PLD5: variants seen among roughly 807,000 people sequenced by gnomAD.
PLD5 encodes the protein phospholipase D family member 5.
Under a neutral mutation model 61.1 loss-of-function variants are expected in PLD5, and 36 were observed. The ratio of observed to expected loss-of-function variants is 0.59; its 90% CI spans 0.45 to 0.78. PLD5 has a LOEUF of 0.78. Among genes scored for constraint, PLD5 ranks in the 30% least tolerant of loss-of-function variants. The pLI, the probability that PLD5 is intolerant of heterozygous loss-of-function variation, is 0.00. For synonymous variants in PLD5, 243 were observed against 242.8 expected (o/e 1.00, Z -0.01); for missense variants, 515 against 644.4 (o/e 0.80, Z 2.17).
chr1:242,207,207 A>G (rs528273824), intron 5 of PLD5, among the ~76,000 whole-genome samples: 1 of 152,298 alleles, frequency 6.6e-6, no homozygotes, highest in Admixed American at 6.5e-5. Flanking sequence ...TGGGCACCGG[A>G]GCCCAGCCAA....
At position 242,333,331 on chromosome 1, in the gene PLD5, T is replaced by C. The variant is rs147021007; in HGVS notation, c.326+14775A>G. 1.8e-4 allele frequency among the ~76,000 whole-genome samples: 27 copies of C among 152,210 alleles called. 1 individual carries two copies. Among genetic ancestry groups the C allele is most frequent in the African/African-American group, 6.5e-4 (27 of 41,498 alleles). ...AGAAAATGCAGTGCAAGGATTTACA[T>C]CTTAAAGGCTTGCAAAATTCAGAAA... On this transcript the variant is annotated intron_variant, in intron 2 of 9. Transcript: ENST00000536534.
intron 1 of PLD5, among the ~76,000 whole-genome samples, chr1:242,393,046 A>C (rs1450274006): frequency 1.3e-5 from 2 of 150,832 alleles, no homozygotes; most frequent in Non-Finnish European, 1.5e-5. Flanking sequence ...TCTACTAAAA[A>C]TGCAAAAATT....
intron 5 of PLD5, among the ~76,000 whole-genome samples, chr1:242,156,517 T>A (rs888269488): frequency 6.6e-6 from 1 of 152,214 alleles, no homozygotes; most frequent in African/African-American, 2.4e-5. Context: ...GTTTAGTGCT[T>A]CTTGCAGGAG....
chr1:242,288,631 A>G, intron 2 of PLD5, 101 bp from the exon 3 acceptor site: 1 of 1,443,928 alleles, frequency 6.9e-7, no homozygotes, highest in African/African-American at 1.4e-5. Context: ...AATATTCTTT[A>G]CTCATTCTGA....
intron 1 of PLD5, among the ~76,000 whole-genome samples, chr1:242,467,056 A>T (rs894184367): frequency 6.6e-6 from 1 of 152,172 alleles, no homozygotes; most frequent in Non-Finnish European, 1.5e-5. Flanking sequence ...GACTATAGTT[A>T]ACAATAATAT....
intron 5 of PLD5, among the ~76,000 whole-genome samples, chr1:242,216,793 C>G (rs1222148415): frequency 6.6e-6 from 1 of 152,202 alleles, no homozygotes; most frequent in Non-Finnish European, 1.5e-5. Flanking sequence ...GACCCCCACA[C>G]ACTTTCATAG....
intron 9 of PLD5, among the ~76,000 whole-genome samples, chr1:242,094,729 C>T (rs189796197): frequency 1.2e-4 from 18 of 152,076 alleles, no homozygotes; most frequent in Admixed American, 7.2e-4. Context: ...ATGGATAGAT[C>T]GGAGACAGTG....
At chr1:242,358,082 T>A (rs929271874) in intron 1 of PLD5, among the ~76,000 whole-genome samples, 54 of 152,274 alleles carry the variant, frequency 3.5e-4, no homozygotes, top group Admixed American at 3.1e-3. Context: ...GATTTCTATT[T>A]GGGTATTTTT....
At chr1:242,419,659 C>T (rs12354241) in intron 1 of PLD5, among the ~76,000 whole-genome samples, 59,660 of 147,734 alleles carry the variant, frequency 0.4, 12,618 homozygotes, top group African/African-American at 0.54. Flanking sequence ...ATGATCTGCC[C>T]GCCTCGGCCT....
intron 1 of PLD5, among the ~76,000 whole-genome samples, chr1:242,420,499 TTAA>T (rs1665079755): frequency 1.3e-5 from 2 of 152,194 alleles, no homozygotes; most frequent in African/African-American, 4.8e-5. Context: ...CATCATTATC[TTAA>T]TAGTAGTTAA....
intron 4 of PLD5, among the ~76,000 whole-genome samples, chr1:242,241,961 GCTTA>G (rs1373651477): frequency 9.2e-6 from 1 of 108,720 alleles, no homozygotes; most frequent in African/African-American, 3.5e-5. Context: ...TTATATATAT[GCTTA>G]CTTAAATATA....
chr1:242,145,925 C>T (rs1664514850), intron 5 of PLD5, among the ~76,000 whole-genome samples: 2 of 152,252 alleles, frequency 1.3e-5, no homozygotes, highest in South Asian at 2.1e-4. Flanking sequence ...ATCCACTCGC[C>T]TTGGCCTCCC....
rs1422132792 is a variant in PLD5 at position 242,242,905 on chromosome 1, C to T, written c.607+22432G>A. On this transcript the variant is annotated intron_variant, in intron 4 of 9. Coordinates refer to ENST00000536534, the MANE Select transcript of PLD5 (RefSeq NM_001372062.1). Reference sequence around the variant, plus strand: ...ACAGTTGAATGTGTATTCCACCTCCCGGTGATTACAGGCAGGTTTTTATTA... The same window carrying T: ...ACAGTTGAATGTGTATTCCACCTCCTGGTGATTACAGGCAGGTTTTTATTA... Among the ~76,000 whole-genome samples the T allele has an allele frequency of 5.3e-5, 8 of 152,164 alleles. 1 individual carries two copies. The highest frequency in any genetic ancestry group is 2.0e-4 in the Admixed American group (3 of 15,286).
intron 1 of PLD5, among the ~76,000 whole-genome samples, chr1:242,499,531 C>T (rs575504578): frequency 6.6e-6 from 1 of 152,312 alleles, no homozygotes; most frequent in East Asian, 1.9e-4. Context: ...CTTTCTGCCA[C>T]TTTACTCCCC....
At chr1:242,442,238 T>C (rs1666308395) in intron 1 of PLD5, among the ~76,000 whole-genome samples, 1 of 152,228 alleles carries the variant, frequency 6.6e-6, no homozygotes, top group Non-Finnish European at 1.5e-5. Context: ...AATGCTTATA[T>C]GTTTTTTTGT....
intron 2 of PLD5, among the ~76,000 whole-genome samples, chr1:242,288,812 G>GA (rs547425692): frequency 6.6e-6 from 1 of 151,840 alleles, no homozygotes; most frequent in African/African-American, 2.4e-5. Context: ...ATCTAGCCTG[G>GA]AAAAAAAATT....
In PLD5 at chr1:242,325,477, G is replaced by A. The variant is rs1395896045; in HGVS notation, c.326+22629C>T. 3.5e-5 allele frequency among the ~76,000 whole-genome samples: 5 copies of A among 144,558 alleles called. No homozygotes were observed. In the Admixed American group the frequency reaches 3.5e-4, roughly 10 times the overall value. The allele number at this position is 144,558 out of a possible 152,430, so 94.8% of individuals were successfully genotyped here. A position where few individuals can be genotyped will look rare whatever the true frequency, so the allele number is the denominator to read the frequency against. On this transcript the variant is annotated intron_variant, in intron 2 of 9. Transcript: ENST00000536534. ...GGAGAGAGGGACAGAGAGAGTAGGG[G>A]GGAGAGAAGGTGGAGAGAAGAGAGA...
chr1:242,098,109 C>A (rs1660391703), intron 9 of PLD5, among the ~76,000 whole-genome samples: 1 of 152,132 alleles, frequency 6.6e-6, no homozygotes, highest in Admixed American at 6.5e-5. Context: ...GTTGGCCTGC[C>A]TTGCTAGATT....
At chr1:242,325,297 G>T (rs1350097539) in intron 2 of PLD5, among the ~76,000 whole-genome samples, 1 of 151,134 alleles carries the variant, frequency 6.6e-6, no homozygotes, top group African/African-American at 2.4e-5. Context: ...TGTAAAGCAG[G>T]GATCTAAATG....
Sources: gnomAD v4.1 joint callset for allele counts (sites outside exome capture counted in the v4.1 genomes callset) on GRCh38, gnomAD v4.1.1 for gene constraint, MANE v1.5 for transcripts, NCBI Gene and HGNC (gene_info 2026-07-23, HGNC 2026-07-21) for gene names.